MS4A18: variants seen among roughly 807,000 people sequenced by gnomAD.
The protein encoded by MS4A18 is membrane spanning 4-domains A18, also known as membrane-spanning 4-domains subfamily A member 18.
In MS4A18, 27 loss-of-function variants were observed where a neutral mutation model predicts 13.1. The observed-to-expected ratio is 2.06, with a 90% CI of 1.52 to 2.84. MS4A18 has a LOEUF of 2.84. Among genes scored for constraint, MS4A18 ranks in the 30% most tolerant of loss-of-function variants. The pLI, the probability that MS4A18 is intolerant of heterozygous loss-of-function variation, is 0.00. For synonymous variants in MS4A18, 126 were observed against 76.5 expected (o/e 1.65, Z -3.38); for missense variants, 307 against 196.4 (o/e 1.56, Z -3.37).
At chr11:60,738,990 A>G in exon 4 of MS4A18, 3 of 703,018 alleles carry the variant, frequency 4.3e-6, no homozygotes, top group South Asian at 1.5e-5. Context: ...AGCCTTTACT[A>G]TGTGACGGTG....
At chr11:60,740,176 C>T (rs746897125) in intron 4 of MS4A18, among the ~76,000 whole-genome samples, 48 of 152,170 alleles carry the variant, frequency 3.2e-4, no homozygotes, top group Non-Finnish European at 6.5e-4. Flanking sequence ...CAATCAGGAC[C>T]TCTGTCATCA....
At chr11:60,738,106 A>G (rs967924871) in intron 3 of MS4A18, among the ~76,000 whole-genome samples, 3 of 152,184 alleles carry the variant, frequency 2.0e-5, no homozygotes, top group Non-Finnish European at 2.9e-5. Flanking sequence ...TTTCTACTTT[A>G]TACATCTCAC....
rs141222157 is a variant in MS4A18 at position 60,731,040 on chromosome 11, G to A, written c.477+1248G>A. Among the ~76,000 whole-genome samples the A allele has an allele frequency of 9.7e-3, 1,478 of 152,144 alleles. 15 individuals carry two copies. Among genetic ancestry groups the A allele is most frequent in the East Asian group, 0.053 (274 of 5,170 alleles). On this transcript the variant is annotated intron_variant, in intron 1 of 5. Coordinates refer to ENST00000529108, the Ensembl canonical transcript of MS4A18. Reference sequence around the variant, plus strand: ...ACCCGGGAGGCAGAGCTTGCAGTGAGCCGAGACAGCGCCACTGCACTCCAG... The same window carrying A: ...ACCCGGGAGGCAGAGCTTGCAGTGAACCGAGACAGCGCCACTGCACTCCAG...
At chr11:60,743,587 T>A (rs1376083686) in intron 5 of MS4A18, 63 bp from the exon 7 acceptor site, 16 of 666,854 alleles carry the variant, frequency 2.4e-5, no homozygotes, top group Non-Finnish European at 3.8e-5. Flanking sequence ...AAGAAAAAAA[T>A]TATGGCCATT....
At chr11:60,739,536 G>A (rs1019275213) in intron 4 of MS4A18, among the ~76,000 whole-genome samples, 12 of 152,234 alleles carry the variant, frequency 7.9e-5, no homozygotes, top group East Asian at 1.9e-4. Context: ...CGTATTATCC[G>A]GCAAGGACCC....
chr11:60,740,306 T>C (rs1853397161), intron 4 of MS4A18, among the ~76,000 whole-genome samples: 1 of 152,112 alleles, frequency 6.6e-6, no homozygotes, highest in South Asian at 2.1e-4. Context: ...AGCTCAGTGA[T>C]CCCTTCCACC....
chr11:60,725,729 T>C (rs1168065112), upstream of MS4A18, among the ~76,000 whole-genome samples: 1 of 152,226 alleles, frequency 6.6e-6, no homozygotes, highest in Admixed American at 6.5e-5. Flanking sequence ...CTATCAATTC[T>C]TGTATTTCAA....
At chr11:60,743,853 TCCTGTCAATGCTAACATTGGC>T (rs758891460) in exon 6 of MS4A18, 92 of 702,932 alleles carry the variant, frequency 1.3e-4, no homozygotes, top group South Asian at 1.1e-3. Context: ...TTACCACTGG[TCCTGTCAATGCTAACATTGGC>T]CCTGTCAATG....
chr11:60,736,786 G>A (rs1482633262), intron 2 of MS4A18, among the ~76,000 whole-genome samples, 192 bp from the exon 4 acceptor site: 1 of 152,134 alleles, frequency 6.6e-6, no homozygotes, highest in Non-Finnish European at 1.5e-5. Context: ...TGAGTATCAC[G>A]GTATTTAGTA....
upstream of MS4A18, among the ~76,000 whole-genome samples, chr11:60,728,280 A>G (rs531256134): frequency 6.6e-6 from 1 of 152,342 alleles, no homozygotes; most frequent in East Asian, 1.9e-4. Flanking sequence ...AATTAAACCC[A>G]TAAATGAGTT....
chr11:60,738,676 G>A (rs1443428021), intron 3 of MS4A18, among the ~76,000 whole-genome samples: 1 of 151,712 alleles, frequency 6.6e-6, no homozygotes, highest in Non-Finnish European at 1.5e-5. Context: ...GTTGACCCAT[G>A]AGACAAACCT....
chr11:60,740,297 G>A (rs1299988371), intron 4 of MS4A18, among the ~76,000 whole-genome samples: 1 of 151,986 alleles, frequency 6.6e-6, no homozygotes, highest in South Asian at 2.1e-4. Flanking sequence ...GATGAGAGGA[G>A]CTCAGTGATC....
At chr11:60,726,768 T>TTTTATTTTATTTTATTTTA (rs1565057866), upstream of MS4A18, among the ~76,000 whole-genome samples, 1 of 150,950 alleles carries the variant, frequency 6.6e-6, no homozygotes, top group East Asian at 1.9e-4. Context: ...TTTTATTTTA[T>TTTTATTTTATTTTATTTTA]TTTATTTTTA....
chr11:60,725,046 C>A (rs1176445695), upstream of MS4A18, among the ~76,000 whole-genome samples: 1 of 152,212 alleles, frequency 6.6e-6, no homozygotes, highest in Non-Finnish European at 1.5e-5. Flanking sequence ...ATGGACACAG[C>A]AATCTTAAGA....
upstream of MS4A18, among the ~76,000 whole-genome samples, chr11:60,727,559 C>T (rs1010069823): frequency 2.6e-5 from 4 of 152,178 alleles, no homozygotes; most frequent in African/African-American, 9.7e-5. Context: ...TTCTCTCACT[C>T]AGGATGCAGC....
chr11:60,729,586 T>G, exon 1 of MS4A18: 1 of 702,808 alleles, frequency 1.4e-6, no homozygotes, highest in Non-Finnish European at 2.6e-6. Flanking sequence ...AACAGCCAGT[T>G]TGCAGACGGT....
chr11:60,743,452 G>C (rs573394193), intron 5 of MS4A18, among the ~76,000 whole-genome samples, 198 bp from the exon 7 acceptor site: 1 of 152,332 alleles, frequency 6.6e-6, no homozygotes, highest in South Asian at 2.1e-4. Flanking sequence ...ATAAGAGAAA[G>C]CAAGCTCCAA....
At position 60,743,766 on chromosome 11, in the gene MS4A18, T is replaced by C. The variant is rs185247515; in HGVS notation, c.975T>C (p.Asn325=). 1.5e-4 allele frequency: 106 copies of C among 702,736 alleles called. 2 individuals are homozygous for C. Among genetic ancestry groups the C allele is most frequent in the Non-Finnish European group, 2.4e-4 (91 of 384,942 alleles). The allele number at this position is 702,736 out of a possible 1,614,324, so 43.5% of individuals were successfully genotyped here. A position where few individuals can be genotyped will look rare whatever the true frequency, so the allele number is the denominator to read the frequency against. ...CCACTGGCCCTGTCAGTGCCACCAA[T>C]GGTCCTGTCAATACTACCATTCACC... The change falls in exon 6 of 6, where the codon AAT becomes AAC. Residue 325 remains asparagine (N), a synonymous_variant. Transcript: ENST00000529108.
exon 6 of MS4A18, chr11:60,744,156 C>T (rs1853452651): frequency 1.7e-6 from 1 of 586,252 alleles, no homozygotes. Flanking sequence ...CACTCCTAAG[C>T]TTCATTTTTG....
Sources: allele counts gnomAD v4.1 joint callset (sites outside exome capture counted in the v4.1 genomes callset), GRCh38; gene constraint gnomAD v4.1.1; transcripts MANE v1.5; gene names NCBI Gene and HGNC (gene_info 2026-07-23, HGNC 2026-07-21).